VTI1A: variants seen among roughly 807,000 people sequenced by gnomAD.
VTI1A encodes vesicle transport through interaction with t-SNAREs homolog 1A.
Under a neutral mutation model 34.9 loss-of-function variants are expected in VTI1A, and 22 were observed. That is an observed-to-expected ratio of 0.63 (90% CI 0.45 to 0.90). VTI1A has a LOEUF of 0.90. Ranked by LOEUF, VTI1A falls within the 40% of genes least tolerant of loss-of-function variation. VTI1A has a pLI of 0.00. For missense variants in VTI1A, 268 were observed against 275.6 expected (o/e 0.97, Z 0.20); for synonymous variants, 87 against 97.3 (o/e 0.89, Z 0.62).
chr10:112,632,969 C>T (rs1043648677), intron 5 of VTI1A, among the ~76,000 whole-genome samples: 16 of 152,186 alleles, frequency 1.1e-4, no homozygotes, highest in Admixed American at 9.8e-4. Flanking sequence ...ATTTATATTA[C>T]AGCTAGGGCA....
intron 5 of VTI1A, among the ~76,000 whole-genome samples, chr10:112,660,008 G>A (rs1346773729): frequency 6.6e-6 from 1 of 152,132 alleles, no homozygotes; most frequent in Non-Finnish European, 1.5e-5. Flanking sequence ...ACGTTATTCT[G>A]GGGGCAGGAT....
chr10:112,557,839 C>T (rs1244019880), intron 5 of VTI1A, among the ~76,000 whole-genome samples: 4 of 152,190 alleles, frequency 2.6e-5, no homozygotes, highest in African/African-American at 9.7e-5. Context: ...AGGAGGACTT[C>T]TTCTCCAGGG....
chr10:112,484,028 T>C lies in VTI1A; in HGVS notation c.264+19371T>C, dbSNP rs141328960. Among the ~76,000 whole-genome samples the C allele has an allele frequency of 7.1e-3, 1,077 of 152,358 alleles. 14 individuals are homozygous for C. The highest frequency in any genetic ancestry group is 0.025 in the African/African-American group (1,037 of 41,586). Reference sequence around the variant, plus strand: ...TTTAAAGAGTCACTAAATTCTCTGCTCATCTAATGTGTAGAGTTTAAAGAT... The same window carrying C: ...TTTAAAGAGTCACTAAATTCTCTGCCCATCTAATGTGTAGAGTTTAAAGAT... On this transcript the variant is annotated intron_variant, in intron 3 of 7. Transcript: ENST00000393077.
chr10:112,668,065 G>A (rs1440596067), intron 5 of VTI1A, among the ~76,000 whole-genome samples, 153 bp from the exon 6 acceptor site: 1 of 152,040 alleles, frequency 6.6e-6, no homozygotes, highest in Non-Finnish European at 1.5e-5. Context: ...ATCAAATACT[G>A]TTTATATTTT....
chr10:112,780,565 T>C (rs961286864), intron 7 of VTI1A, among the ~76,000 whole-genome samples: 1 of 152,204 alleles, frequency 6.6e-6, no homozygotes, highest in African/African-American at 2.4e-5. Context: ...TAATTAACCA[T>C]GTGCTGTCTC....
At chr10:112,689,027 G>A (rs968447601) in intron 7 of VTI1A, among the ~76,000 whole-genome samples, 2 of 152,120 alleles carry the variant, frequency 1.3e-5, no homozygotes, top group Non-Finnish European at 2.9e-5. Context: ...GTATTTAAGA[G>A]CACTCTCAGT....
chr10:112,694,766 C>T (rs1253807692), intron 7 of VTI1A, among the ~76,000 whole-genome samples: 18 of 151,978 alleles, frequency 1.2e-4, no homozygotes, highest in Admixed American at 1.1e-3. Context: ...GTCAGGAGTT[C>T]GAGACTAGCC....
chr10:112,758,080 T>G (rs1347851616), intron 7 of VTI1A, among the ~76,000 whole-genome samples: 1 of 152,218 alleles, frequency 6.6e-6, no homozygotes, highest in Non-Finnish European at 1.5e-5. Flanking sequence ...AAATAGCAGT[T>G]ATGCAATAAC....
At chr10:112,658,169 C>T (rs1365976220) in intron 5 of VTI1A, among the ~76,000 whole-genome samples, 1 of 152,108 alleles carries the variant, frequency 6.6e-6, no homozygotes, top group Non-Finnish European at 1.5e-5. Context: ...CTCACTGCAG[C>T]CTCAATCTCC....
In VTI1A at chr10:112,618,516, T is replaced by TAGAG. The variant is rs1295144968; in HGVS notation, c.428-49701_428-49700insGAGA. On this transcript the variant is annotated intron_variant, in intron 5 of 7. Coordinates refer to ENST00000393077, the MANE Select transcript of VTI1A (RefSeq NM_145206.4). ...ATATATATATATATATATATATATA[T>TAGAG]ATATATATAGAGAGAGAGAGAGAGA... Among the ~76,000 whole-genome samples, 286 of 46,364 alleles carry TAGAG rather than the reference T, an allele frequency of 6.2e-3. 2 individuals carry two copies. Among genetic ancestry groups the TAGAG allele is most frequent in the Middle Eastern group, 0.013 (1 of 80 alleles). The allele number at this position is 46,364 out of a possible 152,430, so 30.4% of individuals were successfully genotyped here. A position where few individuals can be genotyped will look rare whatever the true frequency, so the allele number is the denominator to read the frequency against.
Position 112,620,173 on chromosome 10 carries a change from T to C in VTI1A, c.428-48045T>C, listed in dbSNP as rs1401474638. Among the ~76,000 whole-genome samples, 2 of 152,228 alleles carry C rather than the reference T, an allele frequency of 1.3e-5. 1 individual carries two copies. The highest frequency in any genetic ancestry group is 4.8e-5 in the African/African-American group (2 of 41,462). On this transcript the variant is annotated intron_variant, in intron 5 of 7. Transcript: ENST00000393077. ...ATTATTATTGGACTTTAGTAGAATT[T>C]GCATCTTATTGTTGGACCGTAAATC...
chr10:112,497,327 A>AT (rs1347342701), intron 3 of VTI1A, among the ~76,000 whole-genome samples: 3 of 152,128 alleles, frequency 2.0e-5, no homozygotes, highest in African/African-American at 7.2e-5. Flanking sequence ...CAAAAAAAAA[A>AT]AAATAATAAT....
chr10:112,752,880 G>T (rs956295551), intron 7 of VTI1A, among the ~76,000 whole-genome samples: 9 of 152,056 alleles, frequency 5.9e-5, no homozygotes, highest in African/African-American at 2.2e-4. Flanking sequence ...TCACTTACAT[G>T]GACTTGTTTT....
chr10:112,757,474 C>T (rs1398659778), intron 7 of VTI1A, among the ~76,000 whole-genome samples: 1 of 142,866 alleles, frequency 7.0e-6, no homozygotes, highest in Non-Finnish European at 1.5e-5. Flanking sequence ...TCAAGCAATT[C>T]TTCCGCGTCA....
intron 3 of VTI1A, among the ~76,000 whole-genome samples, chr10:112,498,407 T>C (rs1218332981): frequency 6.6e-6 from 1 of 152,210 alleles, no homozygotes; most frequent in Non-Finnish European, 1.5e-5. Context: ...TTCCTCTTAC[T>C]TGATTTATCC....
chr10:112,780,312 ATAAATAAATAAAAT>A (rs1852086588), intron 7 of VTI1A, among the ~76,000 whole-genome samples: 1 of 147,848 alleles, frequency 6.8e-6, no homozygotes, highest in African/African-American at 2.6e-5. Flanking sequence ...AAATAAATAA[ATAAATAAATAAAAT>A]AATAACCTAC....
intron 7 of VTI1A, among the ~76,000 whole-genome samples, chr10:112,768,252 G>C (rs756273109): frequency 6.6e-6 from 1 of 152,220 alleles, no homozygotes; most frequent in Non-Finnish European, 1.5e-5. Flanking sequence ...ACACAAGGCT[G>C]ACGAGAAAGA....
In VTI1A at chr10:112,538,340, C is replaced by G. The variant is rs752762999; in HGVS notation, c.427+10C>G. 1 of 1,612,680 alleles carries G rather than the reference C, an allele frequency of 6.2e-7. No individual in the cohort carries two copies. Among genetic ancestry groups the G allele is most frequent in the Non-Finnish European group, 8.5e-7 (1 of 1,179,010 alleles). ...ATAGCAGTGGAAACCGGTAAGAATTCTGAGAGTGAGCAAATTGTCTTGCTT... is the reference window on the plus strand; with the variant it reads ...ATAGCAGTGGAAACCGGTAAGAATTGTGAGAGTGAGCAAATTGTCTTGCTT... On this transcript the variant is annotated intron_variant, in intron 5 of 7. Coordinates refer to ENST00000393077, the MANE Select transcript of VTI1A (RefSeq NM_145206.4).
intron 3 of VTI1A, among the ~76,000 whole-genome samples, chr10:112,516,318 A>G (rs1156736292): frequency 9.9e-5 from 15 of 152,234 alleles, no homozygotes; most frequent in East Asian, 5.8e-4. Context: ...AGATATGCCT[A>G]TATTTGAAAT....
Sources: gnomAD v4.1 joint callset for allele counts (sites outside exome capture counted in the v4.1 genomes callset) on GRCh38, gnomAD v4.1.1 for gene constraint, MANE v1.5 for transcripts, NCBI Gene and HGNC (gene_info 2026-07-23, HGNC 2026-07-21) for gene names.